The following LRPPRC variants were observed in gnomAD, a reference collection of about 807,000 sequenced individuals.
LRPPRC encodes leucine rich pentatricopeptide repeat containing.
In LRPPRC, 120 loss-of-function variants were observed where a neutral mutation model predicts 180.3. That is an observed-to-expected ratio of 0.67 (90% CI 0.57 to 0.77). The LOEUF is 0.77. LRPPRC is among the 30% of genes least tolerant of loss of function. The pLI, the probability that LRPPRC is intolerant of heterozygous loss-of-function variation, is 0.00. For synonymous variants in LRPPRC, 723 were observed against 600.0 expected, an observed-to-expected ratio of 1.21 and a Z score of -3.00; for missense variants, 2,012 against 1,657.2, an observed-to-expected ratio of 1.21 and a Z score of -3.72.
At chr2:43,930,875 T>C (rs1672063153) in intron 25 of LRPPRC, among the ~76,000 whole-genome samples, 1 of 152,168 alleles carries the variant, frequency 6.6e-6, no homozygotes, top group Admixed American at 6.5e-5. Flanking sequence ...GGTATTTCTC[T>C]GTAAACAAAC....
At chr2:43,895,724 A>G (rs1349692397) in intron 35 of LRPPRC, among the ~76,000 whole-genome samples, 1 of 152,222 alleles carries the variant, frequency 6.6e-6, no homozygotes, top group East Asian at 1.9e-4. Context: ...CCCAAACTGG[A>G]CACAGCCTAA....
chr2:43,899,895 T>G (rs915413895), intron 32 of LRPPRC, among the ~76,000 whole-genome samples: 1 of 152,226 alleles, frequency 6.6e-6, no homozygotes, highest in Middle Eastern at 3.2e-3. Flanking sequence ...CAAACAACTA[T>G]ATACAGGAGA....
intron 32 of LRPPRC, among the ~76,000 whole-genome samples, chr2:43,900,895 C>T (rs892245243): frequency 2.0e-5 from 3 of 149,264 alleles, no homozygotes; most frequent in Admixed American, 6.6e-5. Context: ...AGAGTGTTCA[C>T]GGGGTGGGTA....
intron 35 of LRPPRC, 80 bp downstream of exon 35, chr2:43,896,554 C>T: frequency 4.3e-6 from 4 of 931,100 alleles, no homozygotes; most frequent in Non-Finnish European, 5.3e-6. Context: ...CCTGAAACAA[C>T]AGGCTTTTAT....
intron 30 of LRPPRC, among the ~76,000 whole-genome samples, chr2:43,906,136 CATTCACAGTA>C (rs1671061086): frequency 6.6e-6 from 1 of 151,788 alleles, no homozygotes; most frequent in African/African-American, 2.4e-5. Flanking sequence ...TTTTTTTCTA[CATTCACAGTA>C]ATTATAAAAT....
chr2:43,991,993 C>G (rs1159358817), intron 1 of LRPPRC, among the ~76,000 whole-genome samples: 2 of 152,182 alleles, frequency 1.3e-5, no homozygotes, highest in Admixed American at 6.5e-5. Context: ...CTATATGCCA[C>G]AAAGTTAAAC....
At chr2:43,949,521 C>A (rs983719929) in intron 16 of LRPPRC, 81 bp downstream of exon 16, 16 of 964,032 alleles carry the variant, frequency 1.7e-5, no homozygotes, top group Non-Finnish European at 2.7e-5. Context: ...AAAGTATTTA[C>A]TGCTGTAATC....
At chr2:43,942,264 G>T (rs1422046522) in intron 23 of LRPPRC, among the ~76,000 whole-genome samples, 5 of 151,956 alleles carry the variant, frequency 3.3e-5, no homozygotes, top group Non-Finnish European at 7.4e-5. Context: ...ATTTTTCTGG[G>T]CACTGGGCCC....
At chr2:43,923,708 T>G (rs1259364822) in intron 27 of LRPPRC, among the ~76,000 whole-genome samples, 3 of 152,022 alleles carry the variant, frequency 2.0e-5, no homozygotes, top group African/African-American at 4.8e-5. Context: ...CATAGTTTTT[T>G]TTTTTTTTTT....
chr2:43,982,197 C>A, intron 2 of LRPPRC, 41 bp downstream of exon 2: 1 of 1,447,576 alleles, frequency 6.9e-7, no homozygotes, highest in African/African-American at 1.4e-5. Flanking sequence ...CCACTGTGAC[C>A]AGCCAAAAGT....
chr2:43,925,265 T>C (rs887119536), intron 26 of LRPPRC, 108 bp from the exon 27 acceptor site: 12 of 764,874 alleles, frequency 1.6e-5, no homozygotes, highest in Non-Finnish European at 1.9e-5. Context: ...AAAAGGGCAG[T>C]TGAACTTCAT....
At chr2:43,959,276 A>G (rs1673242969) in intron 13 of LRPPRC, 1 of 703,902 alleles carries the variant, frequency 1.4e-6, no homozygotes, top group Non-Finnish European at 2.6e-6. Flanking sequence ...GCAGCCAGCA[A>G]TAATACTCAA....
At chr2:43,947,111 T>A in intron 20 of LRPPRC, 146 bp downstream of exon 20, 1 of 562,814 alleles carries the variant, frequency 1.8e-6, no homozygotes, top group Non-Finnish European at 3.1e-6. Flanking sequence ...TAGCTGAAAT[T>A]AGTTAACCTT....
chr2:43,938,208 C>A (rs992783207), intron 23 of LRPPRC, among the ~76,000 whole-genome samples: 1 of 151,818 alleles, frequency 6.6e-6, no homozygotes, highest in Non-Finnish European at 1.5e-5. Context: ...TCAAGACACC[C>A]CCCTCAAAAT....
intron 30 of LRPPRC, among the ~76,000 whole-genome samples, chr2:43,912,059 G>A (rs925365666): frequency 2.0e-5 from 3 of 152,126 alleles, no homozygotes; most frequent in Admixed American, 6.6e-5. Flanking sequence ...TCAAATCTTG[G>A]TCTAAGTTCA....
At chr2:43,909,132 T>A (rs937756042) in intron 30 of LRPPRC, among the ~76,000 whole-genome samples, 3 of 152,254 alleles carry the variant, frequency 2.0e-5, no homozygotes, top group Non-Finnish European at 2.9e-5. Flanking sequence ...GTTAGTTGGA[T>A]AATTCGTAAC....
intron 30 of LRPPRC, 63 bp downstream of exon 30, chr2:43,912,369 T>C: frequency 1.4e-6 from 2 of 1,448,680 alleles, no homozygotes; most frequent in Non-Finnish European, 1.9e-6. Flanking sequence ...ATTATAATTA[T>C]TGGCTAATGG....
chr2:43,910,525 G>A (rs1484436997), intron 30 of LRPPRC, among the ~76,000 whole-genome samples: 2 of 152,182 alleles, frequency 1.3e-5, no homozygotes, highest in Admixed American at 6.5e-5. Context: ...ATGAGCCAAC[G>A]TGCCTGGGCT....
chr2:43,945,286 G>A (rs764263053), intron 22 of LRPPRC, 46 bp downstream of exon 22: 3 of 1,218,034 alleles, frequency 2.5e-6, no homozygotes, highest in Non-Finnish European at 3.7e-6. Flanking sequence ...TTATTCCAGT[G>A]GCAAGATACT....
Sources: gnomAD v4.1 joint callset for allele counts (sites outside exome capture counted in the v4.1 genomes callset) on GRCh38, gnomAD v4.1.1 for gene constraint, MANE v1.5 for transcripts, NCBI Gene and HGNC (gene_info 2026-07-23, HGNC 2026-07-21) for gene names.